DNAH9: variants seen among roughly 807,000 people sequenced by gnomAD.
DNAH9 encodes dynein axonemal heavy chain 9.
In DNAH9, 345 loss-of-function variants were observed where a neutral mutation model predicts 471.6. The ratio of observed to expected loss-of-function variants is 0.73; its 90% confidence interval spans 0.67 to 0.80. The LOEUF is 0.80. DNAH9 is among the 30% of genes least tolerant of loss of function. The pLI is 0.00. For missense variants in DNAH9, 5,407 were observed against 5,609.2 expected (o/e 0.96, Z 1.15); for synonymous variants, 2,093 against 2,123.6 (o/e 0.99, Z 0.40).
Position 11,854,383 on chromosome 17 carries a change from C to T in DNAH9, c.9888C>T (p.Leu3296=), listed in dbSNP as rs759702938. The change falls in exon 50 of 69, where the codon CTC becomes CTT. Residue 3296 remains leucine (L), a synonymous_variant. Coordinates refer to ENST00000262442, the MANE Select transcript of DNAH9 (RefSeq NM_001372.4). ...RQALNKATAD[L]TAAQEKLAAI... ...CACTGAACAAAGCCACCGCGGACCTCACAGCTGCCCAGGAGAAGCTGGCTG... is the reference window on the plus strand; with the variant it reads ...CACTGAACAAAGCCACCGCGGACCTTACAGCTGCCCAGGAGAAGCTGGCTG... 4.3e-6 allele frequency: 7 copies of T among 1,613,850 alleles called. No homozygotes were observed. The East Asian group carries it at 1.6e-4, about 36-fold the overall frequency.
chr17:11,844,667 A>C (rs1220092044), intron 49 of DNAH9, among the ~76,000 whole-genome samples: 1 of 152,152 alleles, frequency 6.6e-6, no homozygotes, highest in Non-Finnish European at 1.5e-5. Context: ...AGCCTCCCAA[A>C]GTGCTTGGAT....
chr17:11,814,578 G>A (rs1970029027), intron 45 of DNAH9, among the ~76,000 whole-genome samples: 1 of 152,156 alleles, frequency 6.6e-6, no homozygotes, highest in Non-Finnish European at 1.5e-5. Context: ...CAGTCACTAG[G>A]TACTGTGCTC....
At chr17:11,729,726 G>T (rs573009084) in intron 28 of DNAH9, among the ~76,000 whole-genome samples, 17 of 152,336 alleles carry the variant, frequency 1.1e-4, no homozygotes, top group African/African-American at 3.8e-4. Flanking sequence ...AGATGACTGA[G>T]CCAGCATCAT....
intron 4 of DNAH9, among the ~76,000 whole-genome samples, chr17:11,614,079 A>G (rs34840528): frequency 0.047 from 7,131 of 152,306 alleles, 215 homozygotes; most frequent in African/African-American, 0.071. Context: ...AATTCTTTAA[A>G]TATGAAACTC....
chr17:11,823,793 G>A (rs943218359), intron 48 of DNAH9, among the ~76,000 whole-genome samples: 6 of 152,118 alleles, frequency 3.9e-5, no homozygotes, highest in Non-Finnish European at 5.9e-5. Flanking sequence ...AGCTGGGCAT[G>A]GTGGCGGGTG....
intron 61 of DNAH9, among the ~76,000 whole-genome samples, chr17:11,911,865 C>T (rs1597817402): frequency 6.6e-6 from 1 of 152,128 alleles, no homozygotes; most frequent in Non-Finnish European, 1.5e-5. Context: ...TCCTTAATTT[C>T]AGTTGCTCTT....
chr17:11,860,618 A>G (rs1971809626), intron 50 of DNAH9, among the ~76,000 whole-genome samples: 3 of 151,960 alleles, frequency 2.0e-5, no homozygotes, highest in Admixed American at 1.3e-4. Context: ...CTGGAGTGCA[A>G]TGGCACAATC....
At chr17:11,608,013 G>C (rs1460912272) in intron 1 of DNAH9, 116 bp from the exon 2 acceptor site, 4 of 732,696 alleles carry the variant, frequency 5.5e-6, no homozygotes. Flanking sequence ...AGGCCTTCCA[G>C]CACAGTGACC....
Position 11,705,155 on chromosome 17 carries a change from C to A in DNAH9, c.5522C>A (p.Pro1841His). ...TCCTATGAGTACCTGGGAAACACAC[C>A]TCGCTTGGTGATCACACCTTTGACT... ...LYSYEYLGNTPRLVITPLTDR... is the reference protein window; with the variant it reads ...LYSYEYLGNTHRLVITPLTDR... The change falls in exon 26 of 69, where the codon CCT becomes CAT. Residue 1841 changes from proline to histidine, a missense_variant. This residue lies in a region of DNAH9 where 4,636 missense variants were observed against 4,900.3 expected (regional missense o/e 0.95). Transcript: ENST00000262442. The A allele has an allele frequency of 6.2e-7, 1 of 1,614,156 alleles. No homozygotes were observed. The highest frequency in any genetic ancestry group is 1.1e-5 in the South Asian group (1 of 91,090).
intron 3 of DNAH9, among the ~76,000 whole-genome samples, 188 bp from the exon 4 acceptor site, chr17:11,611,462 G>C (rs2072635326): frequency 2.0e-5 from 3 of 152,154 alleles, no homozygotes; most frequent in Admixed American, 6.5e-5. Flanking sequence ...TTGAACCTGT[G>C]TTCCCAGCTC....
chr17:11,901,132 G>A (rs1256951005), intron 59 of DNAH9, among the ~76,000 whole-genome samples: 1 of 152,194 alleles, frequency 6.6e-6, no homozygotes, highest in South Asian at 2.1e-4. Flanking sequence ...TGCTTAGGGG[G>A]TGGGGCCAGG....
At chr17:11,701,393 C>T in intron 24 of DNAH9, 146 bp downstream of exon 24, 1 of 851,678 alleles carries the variant, frequency 1.2e-6, no homozygotes, top group Middle Eastern at 3.7e-4. Context: ...TGTGAGGGGT[C>T]AGCAGGTGGG....
At chr17:11,718,823 G>A (rs2075007879) in intron 26 of DNAH9, among the ~76,000 whole-genome samples, 2 of 152,188 alleles carry the variant, frequency 1.3e-5, no homozygotes, top group Admixed American at 1.3e-4. Context: ...AGCTGAGGGA[G>A]CCTCTGCTCA....
intron 1 of DNAH9, among the ~76,000 whole-genome samples, chr17:11,601,004 C>G (rs1326167624): frequency 1.3e-5 from 2 of 152,208 alleles, no homozygotes; most frequent in Non-Finnish European, 2.9e-5. Context: ...ATTCTACTTT[C>G]TGTTCCTATG....
Position 11,685,195 on chromosome 17 carries a change from C to T in DNAH9, c.3743+4306C>T, listed in dbSNP as rs80046933. 2.3e-3 allele frequency among the ~76,000 whole-genome samples: 346 copies of T among 152,192 alleles called. 1 individual carries two copies. The highest frequency in any genetic ancestry group is 7.3e-3 in the African/African-American group (303 of 41,482). On this transcript the variant is annotated intron_variant, in intron 19 of 68. Coordinates refer to ENST00000262442, the MANE Select transcript of DNAH9 (RefSeq NM_001372.4). ...GAGGCAGTTCACACCTCCCCTAGAA[C>T]ATGGTGCTTATCATGGTGAGCCAGA...
Position 11,727,929 on chromosome 17 carries a change from G to T in DNAH9, c.5814+7G>T, listed in dbSNP as rs761103971. On this transcript the variant is annotated splice_region_variant and intron_variant, in intron 28 of 68. Coordinates refer to ENST00000262442, the MANE Select transcript of DNAH9 (RefSeq NM_001372.4). The stretch of plus-strand genomic sequence containing the variant: ...GTCAGTGGTGGCAGTGCAGGTAAGG[G>T]CCAGAAGTTGGTGGGAGCCTTGTGG... 4 of 1,595,958 alleles carry T rather than the reference G, an allele frequency of 2.5e-6. 1 individual carries two copies. The Admixed American group carries it at 6.7e-5, about 27-fold the overall frequency.
intron 45 of DNAH9, among the ~76,000 whole-genome samples, chr17:11,811,660 C>T (rs576788735): frequency 6.6e-6 from 1 of 152,282 alleles, no homozygotes; most frequent in East Asian, 1.9e-4. Context: ...CTGTCTTACC[C>T]ATCATTGCTT....
chr17:11,905,246 AG>A (rs1462864817), intron 60 of DNAH9, among the ~76,000 whole-genome samples: 48 of 143,714 alleles, frequency 3.3e-4, no homozygotes, highest in South Asian at 4.4e-4. Context: ...AAAAAAAAAA[AG>A]AGAGAGAATA....
chr17:11,680,733 A>C lies in DNAH9; in HGVS notation c.3587A>C (p.Glu1196Ala). The change falls in exon 19 of 69, where the codon GAG becomes GCG. Residue 1196 changes from glutamate to alanine, a missense_variant. By Grantham distance (107) the Glu-to-Ala change is moderately radical. This residue lies in a region of DNAH9 where 4,636 missense variants were observed against 4,900.3 expected (regional missense o/e 0.95). Transcript: ENST00000262442. ...TVFKQLEELP[E>A]KWNNIKKVAI... is the part of the protein sequence containing the mutation. ...AGGTTTCCTTTGCAGGAGCTGCCTG[A>C]GAAATGGAACAACATAAAAAAGGTG... 1 of 1,614,066 alleles carries C rather than the reference A, an allele frequency of 6.2e-7. No homozygotes were observed. The highest frequency in any genetic ancestry group is 8.5e-7 in the Non-Finnish European group (1 of 1,179,960).
Sources: allele counts gnomAD v4.1 joint callset (sites outside exome capture counted in the v4.1 genomes callset), GRCh38; gene constraint gnomAD v4.1.1; regional missense constraint gnomAD v4.1.1; transcripts MANE v1.5; gene names NCBI Gene and HGNC (gene_info 2026-07-23, HGNC 2026-07-21).